Variants in CFAP299 observed in about 807,000 individuals in gnomAD.
CFAP299 encodes the protein cilia- and flagella-associated protein 299.
A neutral mutation model predicts 27.0 loss-of-function variants in CFAP299; 21 were observed. The observed-to-expected ratio is 0.78, with a 90% CI of 0.55 to 1.12. The LOEUF (loss-of-function observed/expected upper bound fraction) is 1.12, where lower values mean the gene tolerates loss of function less well. CFAP299 is among the 50% of genes most tolerant of loss of function. The pLI is 0.00. For synonymous variants in CFAP299, 104 were observed against 98.1 expected, an observed-to-expected ratio of 1.06 and a Z score of -0.36; for missense variants, 310 against 276.6, an observed-to-expected ratio of 1.12 and a Z score of -0.86.
At chr4:80,617,540 G>T (rs1218457048) in intron 3 of CFAP299, among the ~76,000 whole-genome samples, 1 of 152,082 alleles carries the variant, frequency 6.6e-6, no homozygotes, top group Non-Finnish European at 1.5e-5. Flanking sequence ...TGGATCAAGA[G>T]GTCTGTAGTC....
chr4:80,441,583 A>G (rs1011734233), intron 2 of CFAP299, among the ~76,000 whole-genome samples: 1 of 152,362 alleles, frequency 6.6e-6, no homozygotes, highest in East Asian at 1.9e-4. Context: ...AAAAACCATT[A>G]CCAGCCACTG....
chr4:80,766,941 A>G (rs1725900482), intron 3 of CFAP299, among the ~76,000 whole-genome samples: 1 of 152,160 alleles, frequency 6.6e-6, no homozygotes, highest in Admixed American at 6.5e-5. Flanking sequence ...TTCAGTTCTA[A>G]GGAGATATGA....
intron 2 of CFAP299, among the ~76,000 whole-genome samples, chr4:80,582,644 G>A (rs1736230652): frequency 6.6e-6 from 1 of 151,706 alleles, no homozygotes; most frequent in South Asian, 2.1e-4. Flanking sequence ...TTCGTTTCCT[G>A]CCTTGATTAT....
the CFAP299 span, among the ~76,000 whole-genome samples, chr4:80,325,012 A>C: frequency 1.8e-4 from 28 of 152,210 alleles, no homozygotes; most frequent in African/African-American, 6.8e-4. Flanking sequence ...AGTCTCAGCT[A>C]CTCAGTAGGC....
chr4:80,624,455 A>G (rs1041887637), intron 3 of CFAP299, among the ~76,000 whole-genome samples: 63 of 151,866 alleles, frequency 4.1e-4, no homozygotes, highest in Admixed American at 1.2e-3. Flanking sequence ...GGAGAAAAAA[A>G]GAAATATAAA....
intron 2 of CFAP299, among the ~76,000 whole-genome samples, chr4:80,366,272 G>T (rs1308132418): frequency 6.6e-6 from 1 of 152,170 alleles, no homozygotes; most frequent in Non-Finnish European, 1.5e-5. Context: ...ATGCAGGTGA[G>T]CAACTCCAAG....
intron 3 of CFAP299, among the ~76,000 whole-genome samples, chr4:80,604,677 T>G (rs1737550071): frequency 6.6e-6 from 1 of 152,184 alleles, no homozygotes; most frequent in African/African-American, 2.4e-5. Context: ...AGGTTTACAG[T>G]TTATTACTTC....
chr4:80,722,332 G>T (rs1346053086), intron 3 of CFAP299, among the ~76,000 whole-genome samples: 7 of 151,380 alleles, frequency 4.6e-5, no homozygotes, highest in Non-Finnish European at 8.8e-5. Context: ...CAGGAGAATC[G>T]CTTGAACCCA....
intron 2 of CFAP299, among the ~76,000 whole-genome samples, chr4:80,515,270 G>GAAATATGAA (rs1380566970): frequency 3.3e-5 from 5 of 152,124 alleles, no homozygotes; most frequent in Admixed American, 3.3e-4. Flanking sequence ...AGAGGCTATT[G>GAAATATGAA]AAATATGAAA....
intron 3 of CFAP299, among the ~76,000 whole-genome samples, chr4:80,766,735 A>G (rs1725885732): frequency 6.6e-6 from 1 of 152,182 alleles, no homozygotes; most frequent in African/African-American, 2.4e-5. Flanking sequence ...AATTAGCATG[A>G]ATGTTAGGAT....
intron 1 of CFAP299, 139 bp downstream of exon 1, chr4:80,336,018 A>C: frequency 1.6e-6 from 1 of 616,580 alleles, no homozygotes; most frequent in Non-Finnish European, 2.9e-6. Flanking sequence ...CGCGACACTA[A>C]AGCCGCTGGC....
rs551757309 is a variant in CFAP299 at position 80,747,676 on chromosome 4, G to T, written c.334-122317G>T. Among the ~76,000 whole-genome samples, 115 of 151,946 alleles carry T rather than the reference G, an allele frequency of 7.6e-4. No homozygotes were observed. In the Middle Eastern group the frequency reaches 0.024, roughly 31 times the overall value. The stretch of plus-strand genomic sequence containing the variant: ...ATAGTAGTTCATTATTATTGCCCTG[G>T]TCTTCCCTGACATAGCTAGTATTTA... On this transcript the variant is annotated intron_variant, in intron 3 of 5. Coordinates refer to ENST00000358105, the MANE Select transcript of CFAP299 (RefSeq NM_152770.3).
intron 3 of CFAP299, among the ~76,000 whole-genome samples, chr4:80,700,710 A>C (rs1308521799): frequency 1.3e-5 from 2 of 152,068 alleles, no homozygotes; most frequent in African/African-American, 4.8e-5. Flanking sequence ...TTCTATCAAG[A>C]AATTGTAGAA....
chr4:80,566,402 A>T (rs1170136515), intron 2 of CFAP299, among the ~76,000 whole-genome samples: 1 of 152,036 alleles, frequency 6.6e-6, no homozygotes, highest in African/African-American at 2.4e-5. Flanking sequence ...ATTCCTGAAG[A>T]ATGACAGTCT....
At chr4:80,608,380 G>GTTTAA in intron 3 of CFAP299, 1 of 1,527,084 alleles carries the variant, frequency 6.5e-7, no homozygotes, top group Non-Finnish European at 8.8e-7. Context: ...AGAAGCAACT[G>GTTTAA]GCAGTAAGTA....
intron 2 of CFAP299, among the ~76,000 whole-genome samples, chr4:80,489,305 AT>A (rs2110136433): frequency 6.6e-6 from 1 of 152,262 alleles, no homozygotes; most frequent in South Asian, 2.1e-4. Context: ...CTTCTCACGC[AT>A]TACCTGATCT....
chr4:80,800,418 T>G (rs1192962445), intron 3 of CFAP299, among the ~76,000 whole-genome samples: 1 of 65,190 alleles, frequency 1.5e-5, no homozygotes, highest in Admixed American at 3.1e-4. Flanking sequence ...GATATATTAA[T>G]ATAATATATA....
intron 3 of CFAP299, among the ~76,000 whole-genome samples, chr4:80,786,573 CT>C (rs1175785014): frequency 6.6e-6 from 1 of 152,042 alleles, no homozygotes; most frequent in East Asian, 1.9e-4. Flanking sequence ...TTTCCATAAC[CT>C]TTTTAAAGTC....
At chr4:80,528,159 A>C (rs1299601604) in intron 2 of CFAP299, among the ~76,000 whole-genome samples, 1 of 152,036 alleles carries the variant, frequency 6.6e-6, no homozygotes, top group Non-Finnish European at 1.5e-5. Flanking sequence ...GATCATTTTC[A>C]TCTAACAAAC....
Sources: gnomAD v4.1 joint callset for allele counts (sites outside exome capture counted in the v4.1 genomes callset) on GRCh38, gnomAD v4.1.1 for gene constraint, MANE v1.5 for transcripts, NCBI Gene and HGNC (gene_info 2026-07-23, HGNC 2026-07-21) for gene names.